DOCK7: variants seen among roughly 807,000 people sequenced by gnomAD.
The protein encoded by DOCK7 is dedicator of cytokinesis 7, also known as dedicator of cytokinesis protein 7.
In DOCK7, 138 loss-of-function variants were observed where a neutral mutation model predicts 271.0. The observed-to-expected ratio is 0.51, with a 90% CI of 0.44 to 0.59. The LOEUF is 0.59. Ranked by LOEUF, DOCK7 falls within the 20% of genes least tolerant of loss-of-function variation. The pLI, the probability that DOCK7 is intolerant of heterozygous loss-of-function variation, is 0.00. For missense variants in DOCK7, 2,066 were observed against 2,592.4 expected (o/e 0.80, Z 4.41); for synonymous variants, 823 against 876.1 (o/e 0.94, Z 1.07).
At chr1:62,637,776 C>A (rs1158125039) in intron 7 of DOCK7, among the ~76,000 whole-genome samples, 2 of 152,118 alleles carry the variant, frequency 1.3e-5, no homozygotes, top group African/African-American at 2.4e-5. Flanking sequence ...TCATTACCAA[C>A]CATAGACCTA....
Position 62,494,284 on chromosome 1 carries a change from T to A in DOCK7, c.5208A>T (p.Val1736=), listed in dbSNP as rs144604663. ...TCTGGAAGATTCCTACCTGAAATGT[T>A]ACACATCCCACAGGAAGATATTTCC... ...EDRKYLPVGC[V]TFQNISSNVL... The change falls in exon 40 of 50, where the codon GTA becomes GTT. Residue 1736 remains valine, a synonymous_variant. Transcript: ENST00000635253. The A allele has an allele frequency of 2.5e-4, 394 of 1,585,036 alleles. No homozygotes were observed. The highest frequency in any genetic ancestry group is 3.2e-4 in the Non-Finnish European group (374 of 1,158,360).
intron 31 of DOCK7, among the ~76,000 whole-genome samples, chr1:62,519,879 C>A (rs1378702099): frequency 6.6e-6 from 1 of 152,186 alleles, no homozygotes; most frequent in African/African-American, 2.4e-5. Context: ...GTAACCAAAA[C>A]AGCAGGTACT....
At chr1:62,663,229 A>C in intron 1 of DOCK7, 99 bp from the exon 2 acceptor site, 1 of 909,466 alleles carries the variant, frequency 1.1e-6, no homozygotes, top group South Asian at 1.5e-5. Context: ...GATTCATTTA[A>C]AGAAAAACAA....
At chr1:62,510,438 A>C in intron 34 of DOCK7, 139 bp downstream of exon 34, 1 of 518,444 alleles carries the variant, frequency 1.9e-6, no homozygotes, top group Non-Finnish European at 3.0e-6. Context: ...TTTTAAATTA[A>C]ATATTTTGTT....
At position 62,688,342 on chromosome 1, in the gene DOCK7, C is replaced by G; in HGVS notation, c.-78G>C. On this transcript the variant is annotated 5_prime_UTR_variant, in exon 1 of 50. Coordinates refer to ENST00000635253, the MANE Select transcript of DOCK7 (RefSeq NM_001367561.1). ...ACCGGCGGGCGCGTGCCTCCTCGCTCGTGCTCCCTCCCTCGCGGCCTCCGC... is the reference window on the plus strand; with the variant it reads ...ACCGGCGGGCGCGTGCCTCCTCGCTGGTGCTCCCTCCCTCGCGGCCTCCGC... 2 of 985,618 alleles carry G rather than the reference C, an allele frequency of 2.0e-6. No homozygotes were observed. The highest frequency in any genetic ancestry group is 2.6e-6 in the Non-Finnish European group (2 of 780,528). 61.1% of individuals were successfully genotyped at this position (985,618 alleles called of 1,614,324 possible).
Position 62,494,391 on chromosome 1 carries a change from G to A in DOCK7, c.5101C>T (p.Arg1701Ter), listed in dbSNP as rs1419019482. The change falls in exon 40 of 50, where the codon CGA (arginine) becomes TGA (stop). Residue 1701 changes from arginine to a stop codon, truncating the protein, a stop_gained. Transcript: ENST00000635253. LOFTEE classifies it high-confidence loss of function. ...LQNMAGKHSE[R>*]SNHAEAAQCL... Reference sequence around the variant, plus strand: ...TGTGCAGCTTCAGCATGATTGCTTCGTTCTGAGTGCTTGCCTGCCATGTTC... The same window carrying A: ...TGTGCAGCTTCAGCATGATTGCTTCATTCTGAGTGCTTGCCTGCCATGTTC... 1.2e-6 allele frequency: 2 copies of A among 1,613,376 alleles called. No individual in the cohort carries two copies. The highest frequency in any genetic ancestry group is 1.7e-5 in the Admixed American group (1 of 59,994).
chr1:62,655,487 C>T (rs1657909394), intron 2 of DOCK7, among the ~76,000 whole-genome samples: 1 of 148,554 alleles, frequency 6.7e-6, no homozygotes, highest in Admixed American at 6.8e-5. Context: ...TGCAATGGTG[C>T]AATTTCAGCT....
At chr1:62,629,821 C>G in intron 11 of DOCK7, 1 of 152,224 alleles carries the variant, frequency 6.6e-6, no homozygotes, top group East Asian at 1.9e-4. Context: ...TAAGTCCCTA[C>G]AGCATATTTC....
intron 22 of DOCK7, among the ~76,000 whole-genome samples, chr1:62,552,226 G>A (rs1019508125): frequency 4.0e-5 from 6 of 151,870 alleles, no homozygotes; most frequent in African/African-American, 1.2e-4. Context: ...GGGGGGTGGG[G>A]GAAGCGTTCT....
At chr1:62,478,954 G>A (rs1306491059) in intron 43 of DOCK7, 3 of 151,636 alleles carry the variant, frequency 2.0e-5, no homozygotes, top group African/African-American at 7.3e-5. Context: ...TAAATATTTG[G>A]ACACTTTCTA....
chr1:62,527,037 A>G (rs932138063), intron 31 of DOCK7, among the ~76,000 whole-genome samples: 1 of 152,192 alleles, frequency 6.6e-6, no homozygotes, highest in Non-Finnish European at 1.5e-5. Context: ...AGGTATATAT[A>G]CTCACAATAG....
chr1:62,582,567 A>T (rs1354789107), intron 16 of DOCK7, among the ~76,000 whole-genome samples: 3 of 148,806 alleles, frequency 2.0e-5, no homozygotes, highest in African/African-American at 7.3e-5. Context: ...AAAAAAAAAA[A>T]AAAAAAAAAA....
At chr1:62,519,036 G>A (rs1249637012) in intron 31 of DOCK7, among the ~76,000 whole-genome samples, 1 of 106,414 alleles carries the variant, frequency 9.4e-6, no homozygotes, top group Admixed American at 9.3e-5. Context: ...CACACACAGA[G>A]CAAAGAAAAC....
Position 62,455,125 on chromosome 1 carries a change from A to G in DOCK7, c.*289T>C. 3 of 533,054 alleles carry G rather than the reference A, an allele frequency of 5.6e-6. No homozygotes were observed. Among genetic ancestry groups the G allele is most frequent in the Non-Finnish European group, 9.9e-6 (3 of 304,252 alleles). 33.0% of individuals were successfully genotyped at this position (533,054 alleles called of 1,614,324 possible). A position where few individuals can be genotyped will look rare whatever the true frequency, so the allele number is the denominator to read the frequency against. ...TATAAATTAAAAAATACGAACTTAA[A>G]GTGAATAAATTTTTAACCTTAGCTA... is the stretch of plus-strand genomic sequence containing the variant. On this transcript the variant is annotated 3_prime_UTR_variant, in exon 50 of 50. Coordinates refer to ENST00000635253, the MANE Select transcript of DOCK7 (RefSeq NM_001367561.1).
chr1:62,537,794 A>C, intron 28 of DOCK7, 97 bp downstream of exon 28: 1 of 1,096,528 alleles, frequency 9.1e-7, no homozygotes, highest in Non-Finnish European at 1.3e-6. Flanking sequence ...AGCCTATCAT[A>C]CAGCTGTTAT....
chr1:62,507,997 G>A lies in DOCK7; in HGVS notation c.4441C>T (p.Leu1481=). The A allele has an allele frequency of 6.2e-7, 1 of 1,612,798 alleles. No individual in the cohort carries two copies. Reference sequence around the variant, plus strand: ...ATCTCTAATGTATCTAAAATGATTAGGTTTGCTTCTGTAGCCAGGTTTCCA... The same window carrying A: ...ATCTCTAATGTATCTAAAATGATTAAGTTTGCTTCTGTAGCCAGGTTTCCA... ...IDGNLATEAN[L]IILDTLEIVV... is the part of the protein sequence containing the mutation. The change falls in exon 35 of 50, where the codon CTA becomes TTA. Residue 1481 remains leucine (L), a synonymous_variant. Transcript: ENST00000635253.
At chr1:62,622,853 C>A (rs1653449173) in intron 12 of DOCK7, among the ~76,000 whole-genome samples, 1 of 152,078 alleles carries the variant, frequency 6.6e-6, no homozygotes, top group Admixed American at 6.5e-5. Context: ...TGGCATGAAC[C>A]CAGGAGGCGG....
rs1379286010 is a variant in DOCK7 at position 62,560,019 on chromosome 1, T to C, written c.2200-799A>G. ...TCTGTGGCAGACAACATTTCACATATGTTGTTTCAACTTGCCCCATGTGAT... is the reference window on the plus strand; with the variant it reads ...TCTGTGGCAGACAACATTTCACATACGTTGTTTCAACTTGCCCCATGTGAT... On this transcript the variant is annotated intron_variant, in intron 19 of 49. Coordinates refer to ENST00000635253, the MANE Select transcript of DOCK7 (RefSeq NM_001367561.1). Among the ~76,000 whole-genome samples, 5 of 152,348 alleles carry C rather than the reference T, an allele frequency of 3.3e-5. No homozygotes were observed. In the South Asian group the frequency reaches 8.3e-4, roughly 25 times the overall value.
At chr1:62,496,050 GATTA>G (rs1463594422) in intron 38 of DOCK7, 17 of 387,482 alleles carry the variant, frequency 4.4e-5, no homozygotes, top group Non-Finnish European at 1.4e-5. Flanking sequence ...ATTATTGTTT[GATTA>G]ATAAGTAGGA....
Sources: allele counts gnomAD v4.1 joint callset (sites outside exome capture counted in the v4.1 genomes callset), GRCh38; gene constraint gnomAD v4.1.1; transcripts MANE v1.5; gene names NCBI Gene and HGNC (gene_info 2026-07-23, HGNC 2026-07-21).